EP400: variants seen among roughly 807,000 people sequenced by gnomAD.
EP400 encodes E1A-binding protein p400.
In EP400, 105 loss-of-function variants were observed where a neutral mutation model predicts 354.1. The observed-to-expected ratio is 0.30, with a 90% confidence interval of 0.25 to 0.35. EP400 has a LOEUF of 0.35. EP400 is among the 10% of genes least tolerant of loss of function. EP400 has a pLI of 1.00. For synonymous variants in EP400, 1,646 were observed against 1,716.9 expected (o/e 0.96, Z 1.02); for missense variants, 3,280 against 4,121.0 (o/e 0.80, Z 5.59).
At chr12:132,045,994 T>A in intron 39 of EP400, 94 bp downstream of exon 39, 1 of 1,464,528 alleles carries the variant, frequency 6.8e-7, no homozygotes, top group Non-Finnish European at 9.3e-7. Flanking sequence ...CTTCACTGAC[T>A]GGGCTCCTTC....
In EP400 at chr12:132,038,166, A is replaced by T; in HGVS notation, c.6207+70A>T. On this transcript the variant is annotated intron_variant, in intron 32 of 52. Coordinates refer to ENST00000389561, the MANE Select transcript of EP400 (RefSeq NM_015409.5). The surrounding 1 kb of genome is among the most constrained non-coding windows in gnomAD (Gnocchi z 4.2). ...CGGCGGAACACCTGCACCCTCCCCC[A>T]GGGTTCTGGGTGCTCAGTCCCCACT... The T allele has an allele frequency of 6.3e-7, 1 of 1,592,694 alleles. No homozygotes were observed. The highest frequency in any genetic ancestry group is 8.6e-7 in the Non-Finnish European group (1 of 1,167,142).
intron 5 of EP400, among the ~76,000 whole-genome samples, chr12:131,985,279 G>A (rs925263627): frequency 6.6e-6 from 1 of 152,278 alleles, no homozygotes; most frequent in East Asian, 1.9e-4. Context: ...TTTGCGAGCT[G>A]TTCAGTTTCT....
chr12:131,983,767 C>T (rs1488994784), intron 5 of EP400, among the ~76,000 whole-genome samples: 3 of 152,220 alleles, frequency 2.0e-5, no homozygotes, highest in African/African-American at 4.8e-5. Flanking sequence ...GCAGCCTCTA[C>T]TTCCTGGGCT....
chr12:131,997,930 G>A (rs942248092), intron 12 of EP400, among the ~76,000 whole-genome samples: 3 of 152,154 alleles, frequency 2.0e-5, no homozygotes, highest in African/African-American at 4.8e-5. Flanking sequence ...TGTCAATCTT[G>A]TTCACAAAGA....
chr12:132,026,264 G>GT (rs1894301633), intron 25 of EP400, among the ~76,000 whole-genome samples: 1 of 152,196 alleles, frequency 6.6e-6, no homozygotes, highest in Non-Finnish European at 1.5e-5. Flanking sequence ...CTCTGGACAT[G>GT]CTCTGTCATG....
chr12:131,979,043 C>T (rs1005306644), intron 2 of EP400, among the ~76,000 whole-genome samples: 1 of 151,790 alleles, frequency 6.6e-6, no homozygotes, highest in South Asian at 2.1e-4. Context: ...GGTGAAACCC[C>T]GTCTCTACTA....
At position 131,982,210 on chromosome 12, in the gene EP400, T is replaced by C. The variant is rs1288574675; in HGVS notation, c.1661T>C (p.Leu554Pro). The C allele has an allele frequency of 1.2e-6, 2 of 1,613,724 alleles. No homozygotes were observed. The highest frequency in any genetic ancestry group is 2.7e-5 in the African/African-American group (2 of 74,938). Reference sequence around the variant, plus strand: ...AACGCTGCCAGCTTGCACACCCCACTGCCGCAGCTGCCCGGGAGGCTGCCC... The same window carrying C: ...AACGCTGCCAGCTTGCACACCCCACCGCCGCAGCTGCCCGGGAGGCTGCCC... ...VQNAASLHTP[L>P]PQLPGRLPPA... Residue 554 changes from leucine to proline, a missense_variant, in exon 5 of 53, where the codon CTG becomes CCG. By Grantham distance (98) the Leu-to-Pro change is moderately conservative (BLOSUM62 -3). Transcript: ENST00000389561.
intron 12 of EP400, among the ~76,000 whole-genome samples, chr12:132,002,168 A>G (rs1254512850): frequency 6.6e-6 from 1 of 152,152 alleles, no homozygotes; most frequent in East Asian, 1.9e-4. Flanking sequence ...TCTGCCCTAC[A>G]GTTTATTCTA....
At chr12:132,045,037 C>T (rs1895040417) in intron 37 of EP400, 84 bp downstream of exon 37, 3 of 1,321,488 alleles carry the variant, frequency 2.3e-6, no homozygotes, top group Non-Finnish European at 3.0e-6. Flanking sequence ...TGCTGTCTGC[C>T]TGTCTGCTGT....
At chr12:132,046,739 T>C (rs1237188061) in intron 39 of EP400, among the ~76,000 whole-genome samples, 1 of 152,192 alleles carries the variant, frequency 6.6e-6, no homozygotes, top group Non-Finnish European at 1.5e-5. Context: ...TTCAGGCAGC[T>C]CCTTCTTGCT....
chr12:131,995,040 G>A (rs947827364), intron 12 of EP400, 84 bp downstream of exon 12: 1 of 1,319,718 alleles, frequency 7.6e-7, no homozygotes, highest in East Asian at 2.4e-5. Context: ...AATATATTGA[G>A]TAACAACAGC....
At position 131,986,650 on chromosome 12, in the gene EP400, A is replaced by G; in HGVS notation, c.2066A>G (p.Asn689Ser). 1 of 1,614,002 alleles carries G rather than the reference A, an allele frequency of 6.2e-7. No individual in the cohort carries two copies. The highest frequency in any genetic ancestry group is 1.1e-5 in the South Asian group (1 of 91,082). The stretch of plus-strand genomic sequence containing the variant: ...TCCCCTGCTCGATCCTCTCCAGTAA[A>G]TAGACCTTCCTCAGCCACCAATAAG... ...GPSPARSSPV[N>S]RPSSATNKAL... is the part of the protein sequence containing the mutation. Residue 689 changes from asparagine (N) to serine (S), a missense_variant, in exon 6 of 53, where the codon AAT (asparagine) becomes AGT (serine). By Grantham distance (46) the Asn-to-Ser change is conservative (BLOSUM62 1). Coordinates refer to ENST00000389561, the MANE Select transcript of EP400 (RefSeq NM_015409.5).
intron 23 of EP400, among the ~76,000 whole-genome samples, chr12:132,023,128 T>G (rs547659999): frequency 1.3e-5 from 2 of 151,112 alleles, no homozygotes; most frequent in East Asian, 3.9e-4. Context: ...ACAAATACAT[T>G]TCTGCTTTTT....
At position 132,043,440 on chromosome 12, in the gene EP400, A is replaced by C; in HGVS notation, c.6344A>C (p.Glu2115Ala). 1 of 1,613,132 alleles carries C rather than the reference A, an allele frequency of 6.2e-7. No individual in the cohort carries two copies. Among genetic ancestry groups the C allele is most frequent in the South Asian group, 1.1e-5 (1 of 90,978 alleles). Residue 2115 changes from glutamate to alanine, a missense_variant, in exon 33 of 53, where the codon GAG becomes GCG. Physicochemically the swap from Glu to Ala is moderately radical, Grantham distance 107 (BLOSUM62 -1). This residue lies in a region of EP400 where 54 missense variants were observed against 41.3 expected (regional missense o/e 1.31). Transcript: ENST00000389561. ...GATGAAGAACCATCCCAATTAGAGG[A>C]GCTAGCTGACTTCATGGAGCAGGTT... ...PCDEEPSQLE[E>A]LADFMEQLTP...
At chr12:131,998,594 T>A (rs1230850544) in intron 12 of EP400, among the ~76,000 whole-genome samples, 1 of 151,202 alleles carries the variant, frequency 6.6e-6, no homozygotes, top group Non-Finnish European at 1.5e-5. Flanking sequence ...TTGATTTTAT[T>A]TCTCTTATAC....
At chr12:131,963,980 G>C (rs866015945) in intron 2 of EP400, among the ~76,000 whole-genome samples, 17 of 151,878 alleles carry the variant, frequency 1.1e-4, no homozygotes, top group African/African-American at 3.6e-4. Flanking sequence ...TTTATTTTGA[G>C]AACAGTGCAA....
intron 46 of EP400, 24 bp from the exon 47 acceptor site, chr12:132,062,442 C>G (rs779098830): frequency 1.9e-6 from 3 of 1,612,988 alleles, no homozygotes; most frequent in Non-Finnish European, 2.5e-6. Context: ...CCTGTCCAGA[C>G]CTAATGAGCA....
chr12:131,971,321 T>C (rs1434305737), intron 2 of EP400, among the ~76,000 whole-genome samples: 1 of 152,244 alleles, frequency 6.6e-6, no homozygotes, highest in Non-Finnish European at 1.5e-5. Context: ...TGGCAGGATT[T>C]CCTTGCTTTT....
In EP400 at chr12:132,077,698, T is replaced by C. The variant is rs1896279683; in HGVS notation, c.*25T>C. 1 of 1,553,052 alleles carries C rather than the reference T, an allele frequency of 6.4e-7. No homozygotes were observed. The highest frequency in any genetic ancestry group is 8.7e-7 in the Non-Finnish European group (1 of 1,152,536). On this transcript the variant is annotated 3_prime_UTR_variant, in exon 53 of 53. Transcript: ENST00000389561. ...GTCAGGGCAGCAGGGCTGCCTCTCA[T>C]CTAAAGCAAAACTACCTTCCTCACA...
Sources: allele counts gnomAD v4.1 joint callset (sites outside exome capture counted in the v4.1 genomes callset), GRCh38; gene constraint gnomAD v4.1.1; regional missense constraint gnomAD v4.1.1; non-coding constraint Gnocchi (gnomAD v3.1); transcripts MANE v1.5; gene names NCBI Gene and HGNC (gene_info 2026-07-23, HGNC 2026-07-21).